The following SAMTOR variants were observed in gnomAD, a reference collection of about 807,000 sequenced individuals.
SAMTOR encodes the protein UPF0532 protein C7orf60.
At chr7:112,869,565 TA>T in the SAMTOR span, among the ~76,000 whole-genome samples, 1,932 of 143,066 alleles carry the variant, frequency 0.014, 32 homozygotes, top group African/African-American at 0.041. Context: ...GCATAAAAAT[TA>T]AAAAAAAAAA....
chr7:112,880,596 T>C, the SAMTOR span, among the ~76,000 whole-genome samples: 1 of 151,988 alleles, frequency 6.6e-6, no homozygotes, highest in Non-Finnish European at 1.5e-5. Flanking sequence ...AAAAACTAGA[T>C]TATGCATTTT....
chr7:112,868,113 G>A, the SAMTOR span, among the ~76,000 whole-genome samples: 5 of 152,170 alleles, frequency 3.3e-5, no homozygotes, highest in Admixed American at 6.5e-5. Context: ...TGTCTTCCAC[G>A]AAACTGGTCT....
At chr7:112,864,008 G>A in the SAMTOR span, among the ~76,000 whole-genome samples, 6 of 152,154 alleles carry the variant, frequency 3.9e-5, no homozygotes, top group East Asian at 1.9e-4. Flanking sequence ...CTAAATGCCC[G>A]TCAACAGTAG....
the SAMTOR span, chr7:112,819,676 A>C: frequency 5.2e-5 from 8 of 152,698 alleles, no homozygotes; most frequent in Non-Finnish European, 1.2e-4. Flanking sequence ...CGTAAAATAC[A>C]TCATGCACAC....
the SAMTOR span, among the ~76,000 whole-genome samples, chr7:112,925,538 A>T: frequency 6.6e-6 from 1 of 152,214 alleles, no homozygotes; most frequent in East Asian, 1.9e-4. Flanking sequence ...TCTTGCCTGT[A>T]ATCCCAGCAC....
the SAMTOR span, among the ~76,000 whole-genome samples, chr7:112,852,270 TCTACGCAG>T: frequency 6.6e-6 from 1 of 152,146 alleles, no homozygotes; most frequent in Admixed American, 6.5e-5. Context: ...ATCATGGAAT[TCTACGCAG>T]CCATAAAAAA....
the SAMTOR span, chr7:112,939,756 A>AGCCGCC: frequency 6.7e-4 from 1,067 of 1,586,148 alleles, 6 homozygotes; most frequent in Admixed American, 6.1e-3. Flanking sequence ...TCCATATCGC[A>AGCCGCC]GCCGCCGCCG....
chr7:112,890,854 C>A, the SAMTOR span, among the ~76,000 whole-genome samples: 1 of 151,908 alleles, frequency 6.6e-6, no homozygotes, highest in East Asian at 1.9e-4. Context: ...CTACACCTGG[C>A]TTTTTTGTTA....
At chr7:112,864,539 AT>A in the SAMTOR span, among the ~76,000 whole-genome samples, 1 of 152,298 alleles carries the variant, frequency 6.6e-6, no homozygotes, top group African/African-American at 2.4e-5. Context: ...CTCAAGAATG[AT>A]TCTTAAACAA....
At chr7:112,844,957 C>T in the SAMTOR span, among the ~76,000 whole-genome samples, 1 of 152,262 alleles carries the variant, frequency 6.6e-6, no homozygotes, top group East Asian at 1.9e-4. Flanking sequence ...CTATGACCAT[C>T]TGATTTTTGA....
the SAMTOR span, among the ~76,000 whole-genome samples, chr7:112,828,178 C>T: frequency 6.6e-6 from 1 of 152,094 alleles, no homozygotes; most frequent in Non-Finnish European, 1.5e-5. Context: ...ATTATTTTTG[C>T]TTAAGTTGTT....
At chr7:112,877,538 A>G in the SAMTOR span, among the ~76,000 whole-genome samples, 1 of 152,218 alleles carries the variant, frequency 6.6e-6, no homozygotes, top group Non-Finnish European at 1.5e-5. Flanking sequence ...ACGAACATAA[A>G]TAATTTCTGT....
chr7:112,835,880 T>C, the SAMTOR span, among the ~76,000 whole-genome samples: 1 of 152,214 alleles, frequency 6.6e-6, no homozygotes, highest in Non-Finnish European at 1.5e-5. Flanking sequence ...TTATCCAGTC[T>C]ACTGCTGTTG....
chr7:112,901,202 G>C, the SAMTOR span, among the ~76,000 whole-genome samples: 1 of 152,226 alleles, frequency 6.6e-6, no homozygotes, highest in Non-Finnish European at 1.5e-5. Context: ...TGCACAGCAG[G>C]AGGTAAGTGG....
chr7:112,898,925 C>G, the SAMTOR span, among the ~76,000 whole-genome samples: 4 of 152,320 alleles, frequency 2.6e-5, no homozygotes, highest in African/African-American at 9.6e-5. Flanking sequence ...TTAGGTAATA[C>G]TTTAGATAAA....
At chr7:112,913,805 T>G in the SAMTOR span, among the ~76,000 whole-genome samples, 1 of 152,146 alleles carries the variant, frequency 6.6e-6, no homozygotes, top group Non-Finnish European at 1.5e-5. Flanking sequence ...CTCATTTCCT[T>G]TATATCATTG....
At chr7:112,832,953 T>A in the SAMTOR span, among the ~76,000 whole-genome samples, 2 of 152,174 alleles carry the variant, frequency 1.3e-5, no homozygotes, top group African/African-American at 2.4e-5. Context: ...TTTAATTTTT[T>A]AAAAATTGAG....
At chr7:112,899,337 A>T in the SAMTOR span, among the ~76,000 whole-genome samples, 1 of 152,068 alleles carries the variant, frequency 6.6e-6, no homozygotes, top group Non-Finnish European at 1.5e-5. Flanking sequence ...GATCAAGCAG[A>T]AGAAAGAATT....
At chr7:112,914,760 G>T in the SAMTOR span, among the ~76,000 whole-genome samples, 1 of 151,942 alleles carries the variant, frequency 6.6e-6, no homozygotes, top group Non-Finnish European at 1.5e-5. Context: ...TGCATTTAAA[G>T]CCATATTTTT....
Sources: gnomAD v4.1 joint callset for allele counts (sites outside exome capture counted in the v4.1 genomes callset) on GRCh38, gnomAD v4.1.1 for gene constraint, MANE v1.5 for transcripts, NCBI Gene and HGNC (gene_info 2026-07-23, HGNC 2026-07-21) for gene names.